DMXL2: variants seen among roughly 807,000 people sequenced by gnomAD.
DMXL2 encodes dmX-like protein 2.
Under a neutral mutation model 331.1 loss-of-function variants are expected in DMXL2, and 103 were observed. That is an observed-to-expected ratio of 0.31 (90% CI 0.27 to 0.37). DMXL2 has a LOEUF of 0.37. Among genes scored for constraint, DMXL2 ranks in the 10% least tolerant of loss-of-function variants. The pLI is 1.00. For synonymous variants in DMXL2, 1,281 were observed against 1,252.1 expected (o/e 1.02, Z -0.49); for missense variants, 3,171 against 3,642.9 (o/e 0.87, Z 3.33).
chr15:51,514,454 G>GA lies in DMXL2; in HGVS notation c.2631dup (p.Gln878SerfsTer21). ...TTTTTTAAAGTACCTTGTGATGGCT[G>GA]AAAAAATATTTCTGTTTCCTTTTTC... On this transcript the variant is annotated frameshift_variant, in exon 15 of 44. Transcript: ENST00000560891. LOFTEE classifies it high-confidence loss of function. 1 of 1,554,078 alleles carries GA rather than the reference G, an allele frequency of 6.4e-7. No individual in the cohort carries two copies.
intron 13 of DMXL2, among the ~76,000 whole-genome samples, chr15:51,529,763 C>T (rs1046020786): frequency 2.0e-5 from 3 of 151,892 alleles, no homozygotes; most frequent in Non-Finnish European, 4.4e-5. Flanking sequence ...TCTATGAGGC[C>T]GTATTACCTT....
chr15:51,538,332 T>C lies in DMXL2; in HGVS notation c.1226A>G (p.His409Arg). The change falls in exon 10 of 44, where the codon CAT (histidine) becomes CGT (arginine). Residue 409 changes from histidine to arginine, a missense_variant. Transcript: ENST00000560891. ...HFTSSTEVFM[H>R]QLRKLSDKQV... ...CTTATCAGAAAGTTTTCGTAATTGA[T>C]GCATAAATACTTCTGTAGATGATGT... 6.2e-7 allele frequency: 1 copy of C among 1,613,928 alleles called. No homozygotes were observed. Among genetic ancestry groups the C allele is most frequent in the South Asian group, 1.1e-5 (1 of 91,084 alleles).
At chr15:51,497,531 C>T (rs2043269733) in intron 18 of DMXL2, among the ~76,000 whole-genome samples, 1 of 152,050 alleles carries the variant, frequency 6.6e-6, no homozygotes, top group South Asian at 2.1e-4. Flanking sequence ...AAAGAAAGTG[C>T]CTGAAACATA....
chr15:51,615,064 G>A (rs1447110563), intron 1 of DMXL2, among the ~76,000 whole-genome samples: 3 of 152,096 alleles, frequency 2.0e-5, no homozygotes, highest in Non-Finnish European at 2.9e-5. Context: ...CATTAGATAC[G>A]GGACATAAAT....
intron 13 of DMXL2, among the ~76,000 whole-genome samples, chr15:51,533,313 G>C (rs951676938): frequency 6.6e-6 from 1 of 152,056 alleles, no homozygotes; most frequent in African/African-American, 2.4e-5. Flanking sequence ...GAGTCACCGT[G>C]CCTGGCTACA....
At chr15:51,455,558 T>C (rs1204859928) in intron 39 of DMXL2, among the ~76,000 whole-genome samples, 3 of 152,132 alleles carry the variant, frequency 2.0e-5, no homozygotes, top group Admixed American at 1.3e-4. Flanking sequence ...GCCTGGGCTT[T>C]TTAAAAAAAT....
intron 18 of DMXL2, among the ~76,000 whole-genome samples, chr15:51,496,358 G>A (rs2043178128): frequency 6.6e-6 from 1 of 152,198 alleles, no homozygotes; most frequent in Non-Finnish European, 1.5e-5. Flanking sequence ...GAGTAAGAGA[G>A]TTCTATTTCA....
intron 1 of DMXL2, among the ~76,000 whole-genome samples, chr15:51,595,180 T>A (rs1019337582): frequency 6.6e-6 from 1 of 152,216 alleles, no homozygotes; most frequent in Non-Finnish European, 1.5e-5. Context: ...CCCCATCATC[T>A]CAGCCCAAAA....
At chr15:51,469,879 G>A (rs2040935916) in intron 29 of DMXL2, among the ~76,000 whole-genome samples, 1 of 152,144 alleles carries the variant, frequency 6.6e-6, no homozygotes, top group Non-Finnish European at 1.5e-5. Flanking sequence ...AATGACTCTG[G>A]AAGTATAACT....
Position 51,537,832 on chromosome 15 carries a change from C to T in DMXL2, c.1346-73G>A. 8 of 1,410,244 alleles carry T rather than the reference C, an allele frequency of 5.7e-6. 1 individual carries two copies. In the South Asian group the frequency reaches 1.2e-4, roughly 21 times the overall value. The allele number at this position is 1,410,244 out of a possible 1,614,324, so 87.4% of individuals were successfully genotyped here. On this transcript the variant is annotated intron_variant, in intron 10 of 43. Coordinates refer to ENST00000560891, the MANE Select transcript of DMXL2 (RefSeq NM_001378457.1). ...TACATACTAGACTATAAATAAATGG[C>T]ATACTATCTTTAAAAACTAAATCTC...
At chr15:51,568,906 C>T (rs2050470498) in intron 2 of DMXL2, among the ~76,000 whole-genome samples, 1 of 152,046 alleles carries the variant, frequency 6.6e-6, no homozygotes, top group African/African-American at 2.4e-5. Flanking sequence ...AACTGAGGTA[C>T]CAGGTTCATC....
At chr15:51,622,306 G>A (rs925431675) in intron 1 of DMXL2, among the ~76,000 whole-genome samples, 153 bp downstream of exon 1, 1 of 152,208 alleles carries the variant, frequency 6.6e-6, no homozygotes, top group Non-Finnish European at 1.5e-5. Context: ...ACGGGTCCCA[G>A]GGGGAACTAA....
intron 9 of DMXL2, among the ~76,000 whole-genome samples, chr15:51,539,000 A>G (rs537646092): frequency 1.3e-5 from 2 of 152,098 alleles, no homozygotes; most frequent in African/African-American, 4.8e-5. Flanking sequence ...GCCTGAGCTC[A>G]GGAGATCGAG....
intron 6 of DMXL2, among the ~76,000 whole-genome samples, chr15:51,556,035 A>T (rs1268747834): frequency 2.0e-5 from 3 of 152,164 alleles, no homozygotes; most frequent in Admixed American, 1.3e-4. Context: ...CTAACACATA[A>T]ATCTTAAACA....
intron 38 of DMXL2, 31 bp from the exon 39 acceptor site, chr15:51,456,224 GAAATT>G (rs775760774): frequency 3.1e-6 from 5 of 1,603,722 alleles, no homozygotes; most frequent in Admixed American, 1.7e-5. Flanking sequence ...CAGGAAATAA[GAAATT>G]AAAGAGTTCC....
chr15:51,526,261 T>A (rs1001762942), intron 13 of DMXL2, among the ~76,000 whole-genome samples: 1 of 152,046 alleles, frequency 6.6e-6, no homozygotes, highest in Admixed American at 6.5e-5. Context: ...AGTCTCTGCC[T>A]GGTAATCCAG....
At chr15:51,492,818 T>A (rs1218380084) in intron 19 of DMXL2, among the ~76,000 whole-genome samples, 1 of 152,220 alleles carries the variant, frequency 6.6e-6, no homozygotes, top group African/African-American at 2.4e-5. Context: ...AAAGTCACAT[T>A]ACAACATAGG....
chr15:51,507,229 T>C lies in DMXL2; in HGVS notation c.2669A>G (p.Glu890Gly), dbSNP rs1485595567. The part of the protein sequence containing the change: ...SQGYRPPPFS[E>G]KFFLVVIEKD... ...CTCAATTACTACTAGAAAGAACTTT[T>C]CTGAAAATGGTGGTGGGCGGTATCC... Residue 890 changes from glutamate to glycine, a missense_variant, in exon 16 of 44, where the codon GAA becomes GGA. Coordinates refer to ENST00000560891, the MANE Select transcript of DMXL2 (RefSeq NM_001378457.1). The C allele has an allele frequency of 5.6e-6, 9 of 1,611,098 alleles. No individual in the cohort carries two copies. Among genetic ancestry groups the C allele is most frequent in the Non-Finnish European group, 6.8e-6 (8 of 1,178,558 alleles).
intron 33 of DMXL2, among the ~76,000 whole-genome samples, chr15:51,462,482 T>C: frequency 6.6e-6 from 1 of 152,098 alleles, no homozygotes; most frequent in Non-Finnish European, 1.5e-5. Context: ...ATTACAGACA[T>C]GCGCCACCAC....
Sources: gnomAD v4.1 joint callset for allele counts (sites outside exome capture counted in the v4.1 genomes callset) on GRCh38, gnomAD v4.1.1 for gene constraint, MANE v1.5 for transcripts, NCBI Gene and HGNC (gene_info 2026-07-23, HGNC 2026-07-21) for gene names.